The following IL31RA variants were observed in gnomAD, a reference collection of about 807,000 sequenced individuals.
IL31RA encodes interleukin 31 receptor A, also known as interleukin-31 receptor subunit alpha.
A neutral mutation model predicts 83.7 loss-of-function variants in IL31RA; 66 were observed. That is an observed-to-expected ratio of 0.79 (90% CI 0.65 to 0.97). The LOEUF is 0.97. Among genes scored for constraint, IL31RA ranks in the 50% least tolerant of loss-of-function variants. The pLI is 0.00. For synonymous variants in IL31RA, 325 were observed against 329.0 expected, an observed-to-expected ratio of 0.99 and a Z score of 0.13; for missense variants, 798 against 919.4, an observed-to-expected ratio of 0.87 and a Z score of 1.71.
intron 3 of IL31RA, among the ~76,000 whole-genome samples, chr5:55,869,717 G>A (rs530888398): frequency 7.2e-5 from 11 of 152,134 alleles, no homozygotes; most frequent in African/African-American, 2.4e-4. Context: ...CAAGTGATCC[G>A]CCCACCTCAG....
chr5:55,853,295 T>C, intron 1 of IL31RA: 1 of 1,210,326 alleles, frequency 8.3e-7, no homozygotes, highest in African/African-American at 1.6e-5. Context: ...TAGAGTTGAG[T>C]GTTTTTGTTT....
intron 3 of IL31RA, 46 bp from the exon 4 acceptor site, chr5:55,872,224 C>T: frequency 7.1e-7 from 1 of 1,409,258 alleles, no homozygotes; most frequent in Non-Finnish European, 1.0e-6. Flanking sequence ...GTTATGTTTC[C>T]AAACCATTGT....
chr5:55,918,605 A>G lies in IL31RA; in HGVS notation c.*1485A>G, dbSNP rs536569340. Among the ~76,000 whole-genome samples, 14 of 152,250 alleles carry G rather than the reference A, an allele frequency of 9.2e-5. No homozygotes were observed. In the South Asian group the frequency reaches 2.9e-3, roughly 32 times the overall value. ...GGGGCAGAGTTGGTCACTCAGTGGC[A>G]TCCTCTGGGTCATGTATTTGTCCGG... On this transcript the variant is annotated 3_prime_UTR_variant, in exon 15 of 15. Transcript: ENST00000652347.
At chr5:55,906,417 C>T (rs1749162999) in intron 9 of IL31RA, 129 bp downstream of exon 9, 3 of 901,764 alleles carry the variant, frequency 3.3e-6, no homozygotes, top group Non-Finnish European at 5.3e-6. Flanking sequence ...CTTGTGCAAG[C>T]TTAATGAAGT....
At chr5:55,878,046 T>A (rs1360394299) in intron 4 of IL31RA, among the ~76,000 whole-genome samples, 3 of 152,212 alleles carry the variant, frequency 2.0e-5, no homozygotes, top group Non-Finnish European at 2.9e-5. Context: ...TTCCTCAGAC[T>A]CAATACTTTC....
chr5:55,858,339 TG>T (rs1473726866), intron 1 of IL31RA, among the ~76,000 whole-genome samples: 1 of 152,160 alleles, frequency 6.6e-6, no homozygotes, highest in Non-Finnish European at 1.5e-5. Flanking sequence ...TCTTAACAGA[TG>T]GAGAAGATTA....
chr5:55,850,222 C>A (rs1490195561), upstream of IL31RA, among the ~76,000 whole-genome samples: 1 of 151,586 alleles, frequency 6.6e-6, no homozygotes, highest in Non-Finnish European at 1.5e-5. Flanking sequence ...ATTTATTATG[C>A]TGTTTACAGT....
chr5:55,915,637 CAG>C (rs1331427759), intron 14 of IL31RA, among the ~76,000 whole-genome samples: 1 of 151,438 alleles, frequency 6.6e-6, no homozygotes, highest in African/African-American at 2.5e-5. Flanking sequence ...CGTTCCCACT[CAG>C]AAGTCTTTTT....
At chr5:55,904,166 A>G (rs150028466) in intron 8 of IL31RA, among the ~76,000 whole-genome samples, 128 of 152,300 alleles carry the variant, frequency 8.4e-4, no homozygotes, top group Admixed American at 1.6e-3. Flanking sequence ...ATTGTGTGGC[A>G]CTGGGTATAT....
intron 11 of IL31RA, among the ~76,000 whole-genome samples, chr5:55,910,209 A>C (rs892559899): frequency 1.3e-5 from 2 of 152,206 alleles, no homozygotes; most frequent in African/African-American, 2.4e-5. Flanking sequence ...GATGCACAAA[A>C]ACTTTGAATT....
rs181049786 is a variant in IL31RA at position 55,897,135 on chromosome 5, C to T, written c.852+706C>T. Among the ~76,000 whole-genome samples the T allele has an allele frequency of 1.9e-3, 273 of 141,032 alleles. 3 individuals are homozygous for T. Among genetic ancestry groups the T allele is most frequent in the African/African-American group, 6.9e-3 (261 of 37,752 alleles). The allele number at this position is 141,032 out of a possible 152,430, so 92.5% of individuals were successfully genotyped here. A position where few individuals can be genotyped will look rare whatever the true frequency, so the allele number is the denominator to read the frequency against. ...AAAGCATTGGGATTATAAGCATGAG[C>T]CACCATGCCCAGCCTGTTTCTTTAT... is the stretch of plus-strand genomic sequence containing the variant. On this transcript the variant is annotated intron_variant, in intron 7 of 14. Coordinates refer to ENST00000652347, the MANE Select transcript of IL31RA (RefSeq NM_139017.7).
At chr5:55,860,323 T>G (rs1429794472) in intron 2 of IL31RA, among the ~76,000 whole-genome samples, 1 of 151,770 alleles carries the variant, frequency 6.6e-6, no homozygotes, top group Non-Finnish European at 1.5e-5. Context: ...GAGCCTAGAT[T>G]GTGCCACGGC....
chr5:55,867,474 A>G (rs1284224942), intron 2 of IL31RA, among the ~76,000 whole-genome samples: 1 of 152,176 alleles, frequency 6.6e-6, no homozygotes, highest in Admixed American at 6.5e-5. Flanking sequence ...CAAAATATTA[A>G]TGAAATCATC....
chr5:55,918,584 C>T lies in IL31RA; in HGVS notation c.*1464C>T, dbSNP rs1344024982. On this transcript the variant is annotated 3_prime_UTR_variant, in exon 15 of 15. Coordinates refer to ENST00000652347, the MANE Select transcript of IL31RA (RefSeq NM_139017.7). ...GTTCAATGGCGCAGCGTGCATGGGGCAGAGTTGGTCACTCAGTGGCATCCT... is the reference window on the plus strand; with the variant it reads ...GTTCAATGGCGCAGCGTGCATGGGGTAGAGTTGGTCACTCAGTGGCATCCT... 2.0e-5 allele frequency among the ~76,000 whole-genome samples: 3 copies of T among 152,130 alleles called. No homozygotes were observed. Among genetic ancestry groups the T allele is most frequent in the Non-Finnish European group, 4.4e-5 (3 of 68,018 alleles).
chr5:55,891,761 ATTTTTTTTTTTTTTTTTTT>A (rs35672011), intron 6 of IL31RA, among the ~76,000 whole-genome samples: 1 of 59,994 alleles, frequency 1.7e-5, no homozygotes, highest in South Asian at 9.0e-4. Flanking sequence ...TTTGGACAAG[ATTTTTTTTTTTTTTTTTTT>A]TTTTTTTTTT....
chr5:55,892,226 C>T (rs1174337430), intron 6 of IL31RA, among the ~76,000 whole-genome samples: 1 of 152,136 alleles, frequency 6.6e-6, no homozygotes, highest in South Asian at 2.1e-4. Context: ...GAGGCTTTAA[C>T]CTTATTTATT....
rs139026309 is a variant in IL31RA at position 55,910,439 on chromosome 5, G to A, written c.1502-93G>A. 7.3e-4 allele frequency: 1,022 copies of A among 1,405,390 alleles called. 5 individuals carry two copies. The African/African-American group carries it at 0.012, about 17-fold the overall frequency. 87.1% of individuals were successfully genotyped at this position (1,405,390 alleles called of 1,614,324 possible). A position where few individuals can be genotyped will look rare whatever the true frequency, so the allele number is the denominator to read the frequency against. ...GAATATGAGACAGCTGAGCTTGGAA[G>A]CACAGGTTCCAATGCTCTTATTTTG... is the stretch of plus-strand genomic sequence containing the variant. On this transcript the variant is annotated intron_variant, in intron 11 of 14. Transcript: ENST00000652347.
At chr5:55,908,469 A>G in intron 11 of IL31RA, 58 bp downstream of exon 11, 1 of 1,614,198 alleles carries the variant, frequency 6.2e-7, no homozygotes, top group Non-Finnish European at 8.5e-7. Flanking sequence ...GATGCTATGG[A>G]TAGACCTGTT....
At chr5:55,858,442 A>G (rs996534438) in intron 1 of IL31RA, among the ~76,000 whole-genome samples, 1 of 152,196 alleles carries the variant, frequency 6.6e-6, no homozygotes, top group African/African-American at 2.4e-5. Flanking sequence ...GAAAAATTGA[A>G]ATGTTTCCCT....
Sources: gnomAD v4.1 joint callset for allele counts (sites outside exome capture counted in the v4.1 genomes callset) on GRCh38, gnomAD v4.1.1 for gene constraint, MANE v1.5 for transcripts, NCBI Gene and HGNC (gene_info 2026-07-23, HGNC 2026-07-21) for gene names.